DERA: variants seen among roughly 807,000 people sequenced by gnomAD.
The protein encoded by DERA is 2-deoxy-D-ribose 5-phosphate aldolase.
A neutral mutation model predicts 41.1 loss-of-function variants in DERA; 15 were observed. The ratio of observed to expected loss-of-function variants is 0.37; its 90% CI spans 0.24 to 0.56. DERA has a LOEUF of 0.56. Ranked by LOEUF, DERA falls within the 20% of genes least tolerant of loss-of-function variation. The pLI is 0.81. For missense variants in DERA, 396 were observed against 403.4 expected, an observed-to-expected ratio of 0.98 and a Z score of 0.16; for synonymous variants, 139 against 137.4, an observed-to-expected ratio of 1.01 and a Z score of -0.08.
rs191928409 is a variant in DERA at position 15,988,791 on chromosome 12, C to T, written c.637+6355C>T. The stretch of plus-strand genomic sequence containing the variant: ...CCCACCACCATCATCATGTTGTCCA[C>T]GGCACCCAGGCTATTCACACTGAGG... On this transcript the variant is annotated intron_variant, in intron 6 of 8. Coordinates refer to ENST00000428559, the MANE Select transcript of DERA (RefSeq NM_015954.4). This position sits in a 1 kb window ranked among gnomAD's most constrained non-coding sequence, Gnocchi z 6.0. Among the ~76,000 whole-genome samples, 44 of 152,322 alleles carry T rather than the reference C, an allele frequency of 2.9e-4. No homozygotes were observed. Among genetic ancestry groups the T allele is most frequent in the African/African-American group, 5.3e-4 (22 of 41,570 alleles).
At chr12:15,977,223 GTT>G (rs1330883178) in intron 5 of DERA, among the ~76,000 whole-genome samples, 2 of 152,134 alleles carry the variant, frequency 1.3e-5, no homozygotes, top group Non-Finnish European at 1.5e-5. Flanking sequence ...TACGTTCTGA[GTT>G]TTGACGAATC....
Position 15,915,643 on chromosome 12 carries a change from A to G in DERA, c.31+4229A>G, listed in dbSNP as rs564713417. ...CAATAGGCAAAGGCTATCTGTTTGC[A>G]TAATAATTCTTCACCTTATTTAATA... On this transcript the variant is annotated intron_variant, in intron 1 of 8. Transcript: ENST00000428559. This position sits in a 1 kb window ranked among gnomAD's most constrained non-coding sequence, Gnocchi z 4.8. 2.0e-5 allele frequency among the ~76,000 whole-genome samples: 3 copies of G among 152,200 alleles called. No individual in the cohort carries two copies. The highest frequency in any genetic ancestry group is 4.4e-5 in the Non-Finnish European group (3 of 68,034).
Position 15,994,492 on chromosome 12 carries a change from C to T in DERA, c.637+12056C>T, listed in dbSNP as rs1224261591. Among the ~76,000 whole-genome samples the T allele has an allele frequency of 1.3e-5, 2 of 152,214 alleles. No individual in the cohort carries two copies. Among genetic ancestry groups the T allele is most frequent in the Admixed American group, 1.3e-4 (2 of 15,286 alleles). On this transcript the variant is annotated intron_variant, in intron 6 of 8. Coordinates refer to ENST00000428559, the MANE Select transcript of DERA (RefSeq NM_015954.4). This position sits in a 1 kb window ranked among gnomAD's most constrained non-coding sequence, Gnocchi z 4.8. ...TTTTTGAGACGGAGTCTCGTTCTGT[C>T]GCCCAGGCTGGAGTGCAGTGGCGCG...
At chr12:15,951,729 A>G (rs1306067206) in intron 1 of DERA, among the ~76,000 whole-genome samples, 1 of 152,212 alleles carries the variant, frequency 6.6e-6, no homozygotes, top group Non-Finnish European at 1.5e-5. Flanking sequence ...TCAATTTGGC[A>G]TATAGTTTAT....
Position 16,000,435 on chromosome 12 carries a change from A to G in DERA, c.637+17999A>G, listed in dbSNP as rs1948866985. ...GTAAATCAAAATGCAGAACTAATAC[A>G]TTTGTTTTAGTGATTCAGGAGGAAA... is the stretch of plus-strand genomic sequence containing the variant. On this transcript the variant is annotated intron_variant, in intron 6 of 8. Transcript: ENST00000428559. This position sits in a 1 kb window ranked among gnomAD's most constrained non-coding sequence, Gnocchi z 4.8. 6.6e-6 allele frequency among the ~76,000 whole-genome samples: 1 copy of G among 152,214 alleles called. No individual in the cohort carries two copies. The highest frequency in any genetic ancestry group is 1.5e-5 in the Non-Finnish European group (1 of 68,032).
intron 1 of DERA, among the ~76,000 whole-genome samples, chr12:15,953,184 A>G (rs1948511378): frequency 6.6e-6 from 1 of 152,206 alleles, no homozygotes; most frequent in Admixed American, 6.5e-5. Flanking sequence ...AGCCAACTGG[A>G]TAAGCCTACT....
chr12:15,941,403 A>T lies in DERA; in HGVS notation c.32-15533A>T, dbSNP rs1420534895. 6.6e-6 allele frequency among the ~76,000 whole-genome samples: 1 copy of T among 152,070 alleles called. No homozygotes were observed. ...TTTTTTTTAATTTCAATAGTTTTTG[A>T]GGTACAGGTGGTTTTGGATTACATG... On this transcript the variant is annotated intron_variant, in intron 1 of 8. Coordinates refer to ENST00000428559, the MANE Select transcript of DERA (RefSeq NM_015954.4). The surrounding 1 kb of genome is among the most constrained non-coding windows in gnomAD (Gnocchi z 4.5).
At position 16,036,311 on chromosome 12, in the gene DERA, G is replaced by A. The variant is rs1188925376; in HGVS notation, c.830G>A (p.Gly277Glu). 1 of 1,613,764 alleles carries A rather than the reference G, an allele frequency of 6.2e-7. No homozygotes were observed. The highest frequency in any genetic ancestry group is 1.3e-5 in the African/African-American group (1 of 75,056). The change falls in exon 8 of 9, where the codon GGA becomes GAA. Residue 277 changes from glycine (G) to glutamate (E), a missense_variant. Transcript: ENST00000428559. This position sits in a 1 kb window ranked among gnomAD's most constrained non-coding sequence, Gnocchi z 4.9. ...AWLSLVKEELGDEWLKPELFR... is the reference protein window; with the variant it reads ...AWLSLVKEELEDEWLKPELFR... ...CTCTCTCTTGTAAAGGAGGAGCTTG[G>A]AGATGAGTGGCTGAAGCCAGAACTC...
chr12:15,936,220 C>T lies in DERA; in HGVS notation c.32-20716C>T, dbSNP rs1238188099. Among the ~76,000 whole-genome samples, 2 of 152,174 alleles carry T rather than the reference C, an allele frequency of 1.3e-5. No homozygotes were observed. The highest frequency in any genetic ancestry group is 2.9e-5 in the Non-Finnish European group (2 of 68,032). On this transcript the variant is annotated intron_variant, in intron 1 of 8. Coordinates refer to ENST00000428559, the MANE Select transcript of DERA (RefSeq NM_015954.4). This position sits in a 1 kb window ranked among gnomAD's most constrained non-coding sequence, Gnocchi z 4.6. ...CTAGGAGGAGAGAATCATTGTGGGT[C>T]ATTTTTGAGGCTAGCTACCCGTTTC... is the stretch of plus-strand genomic sequence containing the variant.
At position 15,998,360 on chromosome 12, in the gene DERA, C is replaced by T. The variant is rs965577418; in HGVS notation, c.637+15924C>T. Reference sequence around the variant, plus strand: ...AGAGACGGAGTCTAGCTGTGTCGCCCAGGCTAGAGTGCAATGGCCGGATCT... The same window carrying T: ...AGAGACGGAGTCTAGCTGTGTCGCCTAGGCTAGAGTGCAATGGCCGGATCT... On this transcript the variant is annotated intron_variant, in intron 6 of 8. Coordinates refer to ENST00000428559, the MANE Select transcript of DERA (RefSeq NM_015954.4). The surrounding 1 kb of genome is among the most constrained non-coding windows in gnomAD (Gnocchi z 4.8). Among the ~76,000 whole-genome samples, 3 of 152,000 alleles carry T rather than the reference C, an allele frequency of 2.0e-5. No individual in the cohort carries two copies. Among genetic ancestry groups the T allele is most frequent in the African/African-American group, 7.3e-5 (3 of 41,348 alleles).
Position 15,966,888 on chromosome 12 carries a change from C to T in DERA, c.508+3941C>T, listed in dbSNP as rs1035873310. On this transcript the variant is annotated intron_variant, in intron 5 of 8. Coordinates refer to ENST00000428559, the MANE Select transcript of DERA (RefSeq NM_015954.4). The surrounding 1 kb of genome is among the most constrained non-coding windows in gnomAD (Gnocchi z 5.1). The stretch of plus-strand genomic sequence containing the variant: ...TTACATTCCTTATGGCAAAGACAAC[C>T]AAACCTCCTGAGCACCAGGACCACC... 2.6e-5 allele frequency among the ~76,000 whole-genome samples: 4 copies of T among 152,088 alleles called. No individual in the cohort carries two copies. The highest frequency in any genetic ancestry group is 2.6e-4 in the Admixed American group (4 of 15,276).
rs931921346 is a variant in DERA at position 15,988,909 on chromosome 12, G to A, written c.637+6473G>A. 2.6e-5 allele frequency among the ~76,000 whole-genome samples: 4 copies of A among 152,212 alleles called. No homozygotes were observed. The highest frequency in any genetic ancestry group is 4.4e-5 in the Non-Finnish European group (3 of 68,036). On this transcript the variant is annotated intron_variant, in intron 6 of 8. Transcript: ENST00000428559. The surrounding 1 kb of genome is among the most constrained non-coding windows in gnomAD (Gnocchi z 6.0). ...AAAGTCCAGAGGGGGCCAAGGCGGT[G>A]GGAGGCTGGCGTGTCAGCGCTGCCC...
chr12:15,933,876 T>C lies in DERA; in HGVS notation c.31+22462T>C, dbSNP rs573597955. On this transcript the variant is annotated intron_variant, in intron 1 of 8. Transcript: ENST00000428559. The stretch of plus-strand genomic sequence containing the variant: ...GAATCCAGTTTCCTGCTTTGTTCTA[T>C]ACTGTTATGCCCTATATTTAGCACT... Among the ~76,000 whole-genome samples, 8 of 152,292 alleles carry C rather than the reference T, an allele frequency of 5.3e-5. No homozygotes were observed. The East Asian group carries it at 1.4e-3, about 26-fold the overall frequency.
At chr12:15,956,596 G>A in intron 1 of DERA, 1 of 378,816 alleles carries the variant, frequency 2.6e-6, no homozygotes, top group East Asian at 7.1e-5. Flanking sequence ...TCAGAGGTGA[G>A]GTACGTGGCA....
In DERA at chr12:15,936,410, G is replaced by T. The variant is rs548997740; in HGVS notation, c.32-20526G>T. Among the ~76,000 whole-genome samples the T allele has an allele frequency of 1.4e-4, 21 of 152,214 alleles. No homozygotes were observed. Among genetic ancestry groups the T allele is most frequent in the Non-Finnish European group, 2.5e-4 (17 of 68,006 alleles). On this transcript the variant is annotated intron_variant, in intron 1 of 8. Transcript: ENST00000428559. The surrounding 1 kb of genome is among the most constrained non-coding windows in gnomAD (Gnocchi z 4.6). ...ACTGTTTGTGTTGGCAGTTTTTTCTGCAATATCTTAAAATTATAGACATTT... is the reference window on the plus strand; with the variant it reads ...ACTGTTTGTGTTGGCAGTTTTTTCTTCAATATCTTAAAATTATAGACATTT...
chr12:15,927,607 CTTTTCATAGTTTG>C (rs1452544911), intron 1 of DERA, among the ~76,000 whole-genome samples: 2 of 152,120 alleles, frequency 1.3e-5, no homozygotes, highest in African/African-American at 4.8e-5. Flanking sequence ...TTCATACAAA[CTTTTCATAGTTTG>C]TATGAAAAGT....
At chr12:15,980,053 C>A (rs1407997748) in intron 5 of DERA, among the ~76,000 whole-genome samples, 2 of 152,330 alleles carry the variant, frequency 1.3e-5, no homozygotes, top group East Asian at 3.9e-4. Context: ...GTTACTGGAA[C>A]TGGGTCAGGC....
At chr12:15,923,729 G>C (rs1591999752) in intron 1 of DERA, among the ~76,000 whole-genome samples, 1 of 136,220 alleles carries the variant, frequency 7.3e-6, no homozygotes, top group African/African-American at 2.6e-5. Flanking sequence ...AAAATATCTT[G>C]TGAATTCATC....
At chr12:15,974,766 A>G (rs542316301) in intron 5 of DERA, among the ~76,000 whole-genome samples, 5 of 152,004 alleles carry the variant, frequency 3.3e-5, no homozygotes, top group Admixed American at 2.0e-4. Flanking sequence ...TTTTTCAGCT[A>G]TTACTCTGAT....
Sources: allele counts gnomAD v4.1 joint callset (sites outside exome capture counted in the v4.1 genomes callset), GRCh38; gene constraint gnomAD v4.1.1; non-coding constraint Gnocchi (gnomAD v3.1); transcripts MANE v1.5; gene names NCBI Gene and HGNC (gene_info 2026-07-23, HGNC 2026-07-21).